Variants in GPR157 observed in about 807,000 individuals in gnomAD.
The protein encoded by GPR157 is G protein-coupled receptor 157.
GPR157 carries 16 observed loss-of-function variants against 23.5 expected under a neutral mutation model. That is an observed-to-expected ratio of 0.68 (90% CI 0.46 to 1.04). The LOEUF is 1.04. Ranked by LOEUF, GPR157 falls within the 50% of genes least tolerant of loss-of-function variation. The pLI, the probability that GPR157 is intolerant of heterozygous loss-of-function variation, is 0.00. For missense variants in GPR157, 440 were observed against 460.7 expected (o/e 0.96, Z 0.41); for synonymous variants, 200 against 221.5 (o/e 0.90, Z 0.86).
intron 1 of GPR157, among the ~76,000 whole-genome samples, chr1:9,123,174 A>AAAAAAAAAATATATAT (rs1553175764): frequency 8.5e-6 from 1 of 117,090 alleles, no homozygotes; most frequent in African/African-American, 3.4e-5. Flanking sequence ...AAAAAAAAAA[A>AAAAAAAAAATATATAT]ATATATATAT....
In GPR157 at chr1:9,120,736, AG is replaced by A. The variant is rs1480564619; in HGVS notation, c.383+7908del. Among the ~76,000 whole-genome samples, 1 of 152,202 alleles carries A rather than the reference AG, an allele frequency of 6.6e-6. No individual in the cohort carries two copies. Among genetic ancestry groups the A allele is most frequent in the Non-Finnish European group, 1.5e-5 (1 of 68,028 alleles). Reference sequence around the variant, plus strand: ...TGCCACCGTCTGTAGCCCTCAGCTCAGGGATGGGCAGCCTGAGTTCTCACAC... The same window carrying A: ...TGCCACCGTCTGTAGCCCTCAGCTCAGGATGGGCAGCCTGAGTTCTCACAC... On this transcript the variant is annotated intron_variant, in intron 1 of 3. Transcript: ENST00000377411. The surrounding 1 kb of genome is among the most constrained non-coding windows in gnomAD (Gnocchi z 4.1).
In GPR157 at chr1:9,105,517, G is replaced by C; in HGVS notation, c.761C>G (p.Ala254Gly). The C allele has an allele frequency of 6.3e-7, 1 of 1,584,306 alleles. No homozygotes were observed. The highest frequency in any genetic ancestry group is 1.2e-5 in the South Asian group (1 of 86,676). Residue 254 changes from alanine (A) to glycine (G), a missense_variant, in exon 3 of 4, where the codon GCC becomes GGC. By Grantham distance (60) the Ala-to-Gly change is moderately conservative (BLOSUM62 0). Coordinates refer to ENST00000377411, the MANE Select transcript of GPR157 (RefSeq NM_024980.5). This position sits in a 1 kb window ranked among gnomAD's most constrained non-coding sequence, Gnocchi z 4.8. Reference sequence around the variant, plus strand: ...AACCACCAGCACCGGCGTCTGCACGGCCGGGGAGCCACAGAGGGTCAGCAC... The same window carrying C: ...AACCACCAGCACCGGCGTCTGCACGCCCGGGGAGCCACAGAGGGTCAGCAC... Reference protein sequence around the residue: ...RFVLTLCGSPAVQTPVLVVLH... With the variant: ...RFVLTLCGSPGVQTPVLVVLH...
At chr1:9,127,590 GAGA>G (rs1426631412) in intron 1 of GPR157, among the ~76,000 whole-genome samples, 1 of 152,204 alleles carries the variant, frequency 6.6e-6, no homozygotes, top group Non-Finnish European at 1.5e-5. Flanking sequence ...TTGTACAGCT[GAGA>G]AGCAGGTCAC....
intron 2 of GPR157, among the ~76,000 whole-genome samples, chr1:9,106,768 A>G (rs1557694173): frequency 6.6e-6 from 1 of 152,240 alleles, no homozygotes; most frequent in African/African-American, 2.4e-5. Context: ...GTTCGAGACC[A>G]GACTGGCCAA....
chr1:9,121,918 G>C (rs1483953048), intron 1 of GPR157, among the ~76,000 whole-genome samples: 2 of 152,076 alleles, frequency 1.3e-5, no homozygotes, highest in Non-Finnish European at 2.9e-5. Context: ...GAGATGAACC[G>C]GCTCGGCCAG....
chr1:9,126,901 T>A (rs187468210), intron 1 of GPR157, among the ~76,000 whole-genome samples: 106 of 152,290 alleles, frequency 7.0e-4, no homozygotes, highest in Admixed American at 2.5e-3. Context: ...CTTCATTTTT[T>A]AAAAATTTTT....
rs1639004166 is a variant in GPR157 at position 9,128,150 on chromosome 1, C to T, written c.383+495G>A. 1 of 398,202 alleles carries T rather than the reference C, an allele frequency of 2.5e-6. No homozygotes were observed. The highest frequency in any genetic ancestry group is 3.0e-5 in the Admixed American group (1 of 33,298). 24.7% of individuals were successfully genotyped at this position (398,202 alleles called of 1,614,324 possible). On this transcript the variant is annotated intron_variant, in intron 1 of 3. Transcript: ENST00000377411. This position sits in a 1 kb window ranked among gnomAD's most constrained non-coding sequence, Gnocchi z 6.3. ...AATAAAAAGCACAGTCCTTTGTAAACTGTACAGCAGAGACACGGCAGCTCG... is the reference window on the plus strand; with the variant it reads ...AATAAAAAGCACAGTCCTTTGTAAATTGTACAGCAGAGACACGGCAGCTCG...
At chr1:9,125,283 G>A (rs1029492457) in intron 1 of GPR157, among the ~76,000 whole-genome samples, 24 of 151,428 alleles carry the variant, frequency 1.6e-4, no homozygotes, top group Admixed American at 1.4e-3. Context: ...TGGTGGTCTC[G>A]GCTCACTGCA....
Position 9,105,426 on chromosome 1 carries a change from G to C in GPR157, c.792+60C>G. The stretch of plus-strand genomic sequence containing the variant: ...GGTGCAGCCACTGTGCTGCGGGAAG[G>C]AATCAGGCTGTGCCTCCTCTGGGGG... On this transcript the variant is annotated intron_variant, in intron 3 of 3. Transcript: ENST00000377411. This position sits in a 1 kb window ranked among gnomAD's most constrained non-coding sequence, Gnocchi z 4.8. 7.0e-7 allele frequency: 1 copy of C among 1,434,734 alleles called. No individual in the cohort carries two copies. Among genetic ancestry groups the C allele is most frequent in the Admixed American group, 2.2e-5 (1 of 45,162 alleles). The allele number at this position is 1,434,734 out of a possible 1,614,324, so 88.9% of individuals were successfully genotyped here. A position where few individuals can be genotyped will look rare whatever the true frequency, so the allele number is the denominator to read the frequency against.
intron 1 of GPR157, among the ~76,000 whole-genome samples, chr1:9,116,265 TA>T (rs1209235294): frequency 1.3e-4 from 2 of 14,832 alleles, no homozygotes; most frequent in Non-Finnish European, 2.5e-4. Context: ...ATATTATATA[TA>T]ATATAATTAT....
rs758328663 is a variant in GPR157, at chr1:9,104,589, C to T, written c.838G>A (p.Val280Ile). The T allele has an allele frequency of 9.9e-6, 16 of 1,612,906 alleles. No individual in the cohort carries two copies. The highest frequency in any genetic ancestry group is 2.2e-5 in the South Asian group (2 of 90,900). ...FQGGANCIMF[V>I]LCTRAVRTRL... ...GTTCGGACGGCGCGGGTGCAGAGGACGAACATGATGCAGTTGGCACCTCCC... is the reference window on the plus strand; with the variant it reads ...GTTCGGACGGCGCGGGTGCAGAGGATGAACATGATGCAGTTGGCACCTCCC... The change falls in exon 4 of 4, where the codon GTC becomes ATC. Residue 280 changes from valine to isoleucine, a missense_variant. Coordinates refer to ENST00000377411, the MANE Select transcript of GPR157 (RefSeq NM_024980.5).
At chr1:9,123,779 A>AATATTTAATATT (rs1280146298) in intron 1 of GPR157, among the ~76,000 whole-genome samples, 1 of 124,696 alleles carries the variant, frequency 8.0e-6, no homozygotes, top group Non-Finnish European at 1.6e-5. Flanking sequence ...TTTAATATTA[A>AATATTTAATATT]ATATATATTT....
Position 9,103,152 on chromosome 1 carries a change from C to T in GPR157, c.*1267G>A, listed in dbSNP as rs1430072767. On this transcript the variant is annotated 3_prime_UTR_variant, in exon 4 of 4. Transcript: ENST00000377411. The stretch of plus-strand genomic sequence containing the variant: ...TGACTCTGAAGCTTAAAACCTTCAC[C>T]TTTAGGAAGAAATCGTATTTGTTTG... 1 of 149,346 alleles carries T rather than the reference C, an allele frequency of 6.7e-6. No homozygotes were observed. The highest frequency in any genetic ancestry group is 1.5e-5 in the Non-Finnish European group (1 of 67,560). The allele number at this position is 149,346 out of a possible 1,614,324, so 9.3% of individuals were successfully genotyped here. A position where few individuals can be genotyped will look rare whatever the true frequency, so the allele number is the denominator to read the frequency against.
chr1:9,116,338 AT>A (rs1455498106), intron 1 of GPR157, among the ~76,000 whole-genome samples: 1 of 7,026 alleles, frequency 1.4e-4, no homozygotes, highest in South Asian at 4.5e-3. Flanking sequence ...ATTATATATA[AT>A]TTATATATAA....
In GPR157 at chr1:9,128,461, G is replaced by A. The variant is rs1309222470; in HGVS notation, c.383+184C>T. The A allele has an allele frequency of 7.3e-6, 5 of 687,494 alleles. No homozygotes were observed. The highest frequency in any genetic ancestry group is 4.4e-5 in the Admixed American group (2 of 45,726). 42.6% of individuals were successfully genotyped at this position (687,494 alleles called of 1,614,324 possible). On this transcript the variant is annotated intron_variant, in intron 1 of 3. Transcript: ENST00000377411. This position sits in a 1 kb window ranked among gnomAD's most constrained non-coding sequence, Gnocchi z 6.3. Reference sequence around the variant, plus strand: ...CAGGCACAGCGGGGCTCCTTCGGGAGGGAGCGAATCTCGGGCAAGGCTGGC... The same window carrying A: ...CAGGCACAGCGGGGCTCCTTCGGGAAGGAGCGAATCTCGGGCAAGGCTGGC...
chr1:9,123,667 A>T (rs1638894511), intron 1 of GPR157, among the ~76,000 whole-genome samples: 1 of 116,018 alleles, frequency 8.6e-6, no homozygotes, highest in Admixed American at 1.1e-4. Context: ...TTAAATATAT[A>T]TTTAATATTA....
chr1:9,119,285 G>A (rs1164230154), intron 1 of GPR157, among the ~76,000 whole-genome samples: 4 of 152,024 alleles, frequency 2.6e-5, no homozygotes, highest in African/African-American at 4.8e-5. Flanking sequence ...CGCCCACCTC[G>A]GCCTCCCAAA....
intron 1 of GPR157, among the ~76,000 whole-genome samples, chr1:9,127,857 C>T (rs748131430): frequency 1.4e-4 from 21 of 152,174 alleles, no homozygotes; most frequent in Non-Finnish European, 2.4e-4. Context: ...CAGCACAGCA[C>T]AGGACGCCAT....
At position 9,128,760 on chromosome 1, in the gene GPR157, T is replaced by C. The variant is rs748740124; in HGVS notation, c.268A>G (p.Asn90Asp). 9.9e-6 allele frequency: 16 copies of C among 1,612,492 alleles called. No individual in the cohort carries two copies. The African/African-American group carries it at 2.0e-4, about 20-fold the overall frequency. Residue 90 changes from asparagine to aspartate, a missense_variant, in exon 1 of 4, where the codon AAC becomes GAC. Asn to Asp is a conservative substitution (Grantham distance 23, BLOSUM62 1). Coordinates refer to ENST00000377411, the MANE Select transcript of GPR157 (RefSeq NM_024980.5). The surrounding 1 kb of genome is among the most constrained non-coding windows in gnomAD (Gnocchi z 6.3). ...VLQGALSTFA[N>D]TSSFFWTVAI... ...ACGGTCCAGAAGAAGGAGCTGGTGT[T>C]GGCGAAGGTGGACAGCGCGCCCTGC...
Sources: gnomAD v4.1 joint callset for allele counts (sites outside exome capture counted in the v4.1 genomes callset) on GRCh38, gnomAD v4.1.1 for gene constraint, Gnocchi (gnomAD v3.1) non-coding constraint, MANE v1.5 for transcripts, NCBI Gene and HGNC (gene_info 2026-07-23, HGNC 2026-07-21) for gene names.